The following CTNNA3 variants were observed in gnomAD, a reference collection of about 807,000 sequenced individuals.
The protein encoded by CTNNA3 is catenin alpha 3.
Under a neutral mutation model 95.7 loss-of-function variants are expected in CTNNA3, and 76 were observed. That is an observed-to-expected ratio of 0.79 (90% confidence interval 0.66 to 0.96). CTNNA3 has a LOEUF of 0.96. Among genes scored for constraint, CTNNA3 ranks in the 40% least tolerant of loss-of-function variants. The probability of loss-of-function intolerance (pLI) is 0.00; values close to 1 mark genes in which losing one functional copy is unlikely to be tolerated. For synonymous variants in CTNNA3, 431 were observed against 374.4 expected, an observed-to-expected ratio of 1.15 and a Z score of -1.74; for missense variants, 1,191 against 1,089.8, an observed-to-expected ratio of 1.09 and a Z score of -1.31.
At chr10:67,728,698 C>T (rs928332135) in intron 1 of CTNNA3, among the ~76,000 whole-genome samples, 2 of 151,772 alleles carry the variant, frequency 1.3e-5, no homozygotes, top group African/African-American at 4.8e-5. Flanking sequence ...ATTAATTTTT[C>T]ATTGTTTTAT....
chr10:65,931,811 G>C (rs946798080), intron 17 of CTNNA3, among the ~76,000 whole-genome samples: 2 of 152,174 alleles, frequency 1.3e-5, no homozygotes, highest in African/African-American at 4.8e-5. Flanking sequence ...GAGAGGACGA[G>C]GTTCAAACAC....
chr10:66,714,090 A>G (rs1848378527), intron 9 of CTNNA3, among the ~76,000 whole-genome samples: 1 of 152,176 alleles, frequency 6.6e-6, no homozygotes, highest in South Asian at 2.1e-4. Flanking sequence ...TCCAAAGAGG[A>G]GACCACACCC....
intron 5 of CTNNA3, among the ~76,000 whole-genome samples, chr10:67,322,304 T>C (rs1354753878): frequency 1.3e-5 from 2 of 152,130 alleles, no homozygotes; most frequent in Non-Finnish European, 2.9e-5. Flanking sequence ...GGGTTTGTTG[T>C]AGAGATTATT....
At chr10:67,628,604 A>C (rs1839035868) in intron 2 of CTNNA3, among the ~76,000 whole-genome samples, 1 of 152,166 alleles carries the variant, frequency 6.6e-6, no homozygotes, top group Non-Finnish European at 1.5e-5. Flanking sequence ...ATATGGGAAG[A>C]ACTGTCAAAT....
intron 7 of CTNNA3, among the ~76,000 whole-genome samples, chr10:66,824,380 C>T (rs1842419327): frequency 6.6e-6 from 1 of 152,138 alleles, no homozygotes; most frequent in African/African-American, 2.4e-5. Context: ...ACACAGGTGA[C>T]TGAATGATGG....
chr10:66,918,553 A>G (rs1259269647), intron 7 of CTNNA3, among the ~76,000 whole-genome samples: 1 of 152,230 alleles, frequency 6.6e-6, no homozygotes, highest in Non-Finnish European at 1.5e-5. Context: ...GTTAAAGCCT[A>G]CAATGGGAAA....
chr10:67,703,032 C>T lies in CTNNA3; in HGVS notation c.-1-55518G>A, dbSNP rs1176459564. On this transcript the variant is annotated intron_variant, in intron 1 of 17. Coordinates refer to the CTNNA3 transcript ENST00000684154. ...AATAAACTAGAAAATCTAGAAGAAA[C>T]GGATAAATTCCTTGACATATACACC... is the stretch of plus-strand genomic sequence containing the variant. Among the ~76,000 whole-genome samples the T allele has an allele frequency of 1.7e-4, 26 of 151,960 alleles. 1 individual carries two copies. The highest frequency in any genetic ancestry group is 5.2e-4 in the Admixed American group (8 of 15,242).
At chr10:67,158,410 T>G (rs1861399129) in intron 7 of CTNNA3, among the ~76,000 whole-genome samples, 1 of 152,192 alleles carries the variant, frequency 6.6e-6, no homozygotes, top group Non-Finnish European at 1.5e-5. Flanking sequence ...CCGGTCAAGC[T>G]TTGACTATTC....
At chr10:66,028,416 TA>T (rs1424428229) in intron 15 of CTNNA3, among the ~76,000 whole-genome samples, 2 of 152,122 alleles carry the variant, frequency 1.3e-5, no homozygotes, top group Non-Finnish European at 2.9e-5. Flanking sequence ...TATGCAGCCA[TA>T]AAAAATGATG....
At position 67,302,006 on chromosome 10, in the gene CTNNA3, A is replaced by AGAACGAAAGAAC. The variant is rs1491553766; in HGVS notation, c.580-82137_580-82136insGTTCTTTCGTTC. Among the ~76,000 whole-genome samples, 48 of 13,212 alleles carry AGAACGAAAGAAC rather than the reference A, an allele frequency of 3.6e-3. 10 individuals are homozygous for AGAACGAAAGAAC. The highest frequency in any genetic ancestry group is 0.031 in the African/African-American group (44 of 1,438). The allele number at this position is 13,212 out of a possible 152,430, so 8.7% of individuals were successfully genotyped here. On this transcript the variant is annotated intron_variant, in intron 5 of 17. Coordinates refer to ENST00000433211, the MANE Select transcript of CTNNA3 (RefSeq NM_013266.4). Reference sequence around the variant, plus strand: ...AAGAAAGAAAGAACGAAAGAACGAAAGAAAGAAAGAAAGAAAGAAAGAAAG... The same window carrying AGAACGAAAGAAC: ...AAGAAAGAAAGAACGAAAGAACGAAAGAACGAAAGAACGAAAGAAAGAAAGAAAGAAAGAAAG...
chr10:66,499,100 T>C (rs558737277), intron 11 of CTNNA3, among the ~76,000 whole-genome samples: 1 of 152,312 alleles, frequency 6.6e-6, no homozygotes, highest in South Asian at 2.1e-4. Context: ...ACTTCATTTT[T>C]TACTAATCTG....
At chr10:67,483,740 C>A (rs1848333913) in intron 5 of CTNNA3, among the ~76,000 whole-genome samples, 1 of 144,946 alleles carries the variant, frequency 6.9e-6, no homozygotes. Flanking sequence ...CACATGTACC[C>A]TAAAACTTAA....
chr10:66,759,344 G>C (rs1206975881), intron 9 of CTNNA3, among the ~76,000 whole-genome samples: 1 of 152,162 alleles, frequency 6.6e-6, no homozygotes, highest in Non-Finnish European at 1.5e-5. Context: ...GCAGATATAA[G>C]AGATATCAAG....
intron 7 of CTNNA3, among the ~76,000 whole-genome samples, chr10:67,037,774 G>A (rs905701705): frequency 6.6e-6 from 1 of 152,116 alleles, no homozygotes; most frequent in African/African-American, 2.4e-5. Flanking sequence ...TTTTTAACTT[G>A]AACAAATACA....
intron 7 of CTNNA3, among the ~76,000 whole-genome samples, chr10:67,143,261 C>T (rs1393439130): frequency 2.6e-5 from 4 of 151,250 alleles, no homozygotes; most frequent in African/African-American, 7.3e-5. Context: ...GCCAACATGG[C>T]AAAACACCAT....
At chr10:66,901,103 A>G (rs1052179578) in intron 7 of CTNNA3, among the ~76,000 whole-genome samples, 1 of 152,230 alleles carries the variant, frequency 6.6e-6, no homozygotes, top group African/African-American at 2.4e-5. Context: ...GAAATAAAAG[A>G]AAAAATGTTA....
At chr10:67,309,751 G>A (rs2620909) in intron 5 of CTNNA3, among the ~76,000 whole-genome samples, 45,928 of 151,954 alleles carry the variant, frequency 0.3, 11,383 homozygotes, top group African/African-American at 0.68. Flanking sequence ...TTAATCCAAG[G>A]CTATTTCAGA....
chr10:66,174,585 A>G (rs2085608472), intron 13 of CTNNA3, among the ~76,000 whole-genome samples: 1 of 152,066 alleles, frequency 6.6e-6, no homozygotes, highest in Admixed American at 6.6e-5. Context: ...CTTATATGTC[A>G]ACTTTTTTTC....
chr10:66,322,366 G>C (rs573553035), intron 12 of CTNNA3, among the ~76,000 whole-genome samples: 43 of 152,162 alleles, frequency 2.8e-4, no homozygotes, highest in Middle Eastern at 3.4e-3. Context: ...CAGTCGCCCA[G>C]GATTTCTGCC....
Sources: allele counts gnomAD v4.1 joint callset (sites outside exome capture counted in the v4.1 genomes callset), GRCh38; gene constraint gnomAD v4.1.1; transcripts MANE v1.5; gene names NCBI Gene and HGNC (gene_info 2026-07-23, HGNC 2026-07-21).